Variants in FSTL5 observed in about 807,000 individuals in gnomAD.
FSTL5 encodes follistatin like 5.
FSTL5 carries 62 observed loss-of-function variants against 89.1 expected under a neutral mutation model. That is an observed-to-expected ratio of 0.70 (90% CI 0.57 to 0.86). The LOEUF is 0.86. Ranked by LOEUF, FSTL5 falls within the 40% of genes least tolerant of loss-of-function variation. The pLI is 0.00. For synonymous variants in FSTL5, 383 were observed against 346.2 expected, an observed-to-expected ratio of 1.11 and a Z score of -1.18; for missense variants, 1,057 against 1,001.6, an observed-to-expected ratio of 1.06 and a Z score of -0.75.
chr4:162,022,081 ACT>A (rs1356199571), intron 3 of FSTL5, among the ~76,000 whole-genome samples: 1 of 149,342 alleles, frequency 6.7e-6, no homozygotes, highest in Non-Finnish European at 1.5e-5. Flanking sequence ...ACAGAGCAAG[ACT>A]CTGTCTCAGG....
At chr4:162,019,754 TTCTC>T (rs1317302416) in intron 3 of FSTL5, among the ~76,000 whole-genome samples, 2 of 142,288 alleles carry the variant, frequency 1.4e-5, no homozygotes, top group East Asian at 2.0e-4. Context: ...CTCTCTCTCT[TTCTC>T]TCTCTCTTTC....
chr4:161,907,685 T>C lies in FSTL5; in HGVS notation c.409+12719A>G, dbSNP rs182409859. Among the ~76,000 whole-genome samples the C allele has an allele frequency of 7.6e-4, 115 of 152,256 alleles. 1 individual carries two copies. The highest frequency in any genetic ancestry group is 2.2e-3 in the African/African-American group (93 of 41,580). ...TCAGGGTGAATGAAAAGCATCTCTCTAGGTTTTCAGAGTAAACTTAGTAAG... is the reference window on the plus strand; with the variant it reads ...TCAGGGTGAATGAAAAGCATCTCTCCAGGTTTTCAGAGTAAACTTAGTAAG... On this transcript the variant is annotated intron_variant, in intron 4 of 15. Transcript: ENST00000306100.
intron 6 of FSTL5, among the ~76,000 whole-genome samples, chr4:161,742,825 A>G (rs954646905): frequency 3.3e-5 from 5 of 152,184 alleles, no homozygotes; most frequent in Admixed American, 6.5e-5. Context: ...ATAACAATAA[A>G]AGCCGATGGC....
At chr4:161,856,425 A>T (rs144020140) in intron 4 of FSTL5, among the ~76,000 whole-genome samples, 68 of 152,194 alleles carry the variant, frequency 4.5e-4, no homozygotes, top group African/African-American at 1.6e-3. Context: ...TCTGCATAGC[A>T]TCAAAATGTG....
At chr4:161,994,236 C>T (rs1428982525) in intron 3 of FSTL5, among the ~76,000 whole-genome samples, 1 of 152,186 alleles carries the variant, frequency 6.6e-6, no homozygotes, top group Non-Finnish European at 1.5e-5. Flanking sequence ...TTTTTTATGG[C>T]TGCATAGTAT....
intron 5 of FSTL5, among the ~76,000 whole-genome samples, chr4:161,769,902 A>G (rs1158722540): frequency 6.6e-6 from 1 of 151,962 alleles, no homozygotes; most frequent in Non-Finnish European, 1.5e-5. Flanking sequence ...ATTTGAAAAA[A>G]AAAACCTAAA....
At chr4:161,699,959 T>C (rs1289868508) in intron 6 of FSTL5, among the ~76,000 whole-genome samples, 4 of 152,336 alleles carry the variant, frequency 2.6e-5, no homozygotes, top group South Asian at 2.1e-4. Flanking sequence ...ATTTCTGTTA[T>C]CTGTTTAAGT....
chr4:161,432,668 G>T (rs1285051647), intron 15 of FSTL5, among the ~76,000 whole-genome samples: 4 of 150,840 alleles, frequency 2.7e-5, no homozygotes, highest in Non-Finnish European at 5.9e-5. Flanking sequence ...ATAAATAAAA[G>T]TAACAAATCT....
At chr4:161,860,941 A>C (rs1731891220) in intron 4 of FSTL5, among the ~76,000 whole-genome samples, 1 of 152,148 alleles carries the variant, frequency 6.6e-6, no homozygotes, top group Non-Finnish European at 1.5e-5. Flanking sequence ...ACACACACAC[A>C]AAATGCACAG....
At chr4:162,001,302 A>G (rs1736455365) in intron 3 of FSTL5, among the ~76,000 whole-genome samples, 1 of 151,670 alleles carries the variant, frequency 6.6e-6, no homozygotes, top group Non-Finnish European at 1.5e-5. Flanking sequence ...ACCTATATCT[A>G]TCTGTCTATC....
intron 6 of FSTL5, among the ~76,000 whole-genome samples, chr4:161,682,329 ATAAAT>A (rs1000263079): frequency 6.6e-5 from 10 of 152,160 alleles, no homozygotes; most frequent in African/African-American, 2.2e-4. Flanking sequence ...TTCTTCAATA[ATAAAT>A]TAAACTTCTC....
chr4:161,884,369 C>T (rs183333252), intron 4 of FSTL5, among the ~76,000 whole-genome samples: 80 of 152,264 alleles, frequency 5.3e-4, no homozygotes, highest in Non-Finnish European at 1.1e-3. Context: ...AATTTCATAT[C>T]CTGCACTATA....
In FSTL5 at chr4:161,454,423, G is replaced by A. The variant is rs543463418; in HGVS notation, c.1841+581C>T. On this transcript the variant is annotated intron_variant, in intron 15 of 15. Transcript: ENST00000306100. ...AACTAGAAGTTAATATTACTTTTCCGCCTCTTGTAAATACATCAAGAGATA... is the reference window on the plus strand; with the variant it reads ...AACTAGAAGTTAATATTACTTTTCCACCTCTTGTAAATACATCAAGAGATA... Among the ~76,000 whole-genome samples the A allele has an allele frequency of 5.3e-5, 8 of 152,030 alleles. No individual in the cohort carries two copies. In the South Asian group the frequency reaches 6.2e-4, roughly 12 times the overall value.
intron 2 of FSTL5, among the ~76,000 whole-genome samples, chr4:162,052,031 A>G (rs1738394663): frequency 6.6e-6 from 1 of 151,652 alleles, no homozygotes; most frequent in African/African-American, 2.4e-5. Flanking sequence ...AAAATCTCAT[A>G]GCCAAACCTG....
Position 161,538,217 on chromosome 4 carries a change from C to A in FSTL5, c.1261G>T (p.Val421Leu), listed in dbSNP as rs1731699130. The change falls in exon 10 of 16, where the codon GTG (valine) becomes TTG (leucine). Residue 421 changes from valine to leucine, a missense_variant. Transcript: ENST00000306100. ...YTCIAKNEAGVDEDISSLFVE... is the reference protein window; with the variant it reads ...YTCIAKNEAGLDEDISSLFVE... ...AAAAGAGAAGAGATGTCTTCATCCA[C>A]TCCTGCTTCATTCTTTGCGATACAA... The A allele has an allele frequency of 6.2e-7, 1 of 1,613,966 alleles. No individual in the cohort carries two copies. Among genetic ancestry groups the A allele is most frequent in the South Asian group, 1.1e-5 (1 of 91,088 alleles).
intron 3 of FSTL5, among the ~76,000 whole-genome samples, chr4:161,963,402 A>G (rs1735235380): frequency 6.6e-6 from 1 of 151,952 alleles, no homozygotes; most frequent in Non-Finnish European, 1.5e-5. Context: ...AGTTTCTTCA[A>G]TTGCAAGGTT....
chr4:161,906,473 T>G (rs1321757394), intron 4 of FSTL5, among the ~76,000 whole-genome samples: 1 of 152,156 alleles, frequency 6.6e-6, no homozygotes. Context: ...TCTTGAATTT[T>G]TCTTAAAAAA....
At chr4:161,438,961 G>GTTT (rs557713642) in intron 15 of FSTL5, among the ~76,000 whole-genome samples, 149 of 145,876 alleles carry the variant, frequency 1.0e-3, no homozygotes, top group African/African-American at 3.6e-3. Flanking sequence ...GATGATTATA[G>GTTT]TTTTTTTTTT....
chr4:161,947,065 T>C (rs186347269), intron 3 of FSTL5, among the ~76,000 whole-genome samples: 1 of 152,124 alleles, frequency 6.6e-6, no homozygotes, highest in Non-Finnish European at 1.5e-5. Flanking sequence ...ATGTATTGGG[T>C]CTGATATCAT....
Sources: allele counts gnomAD v4.1 joint callset (sites outside exome capture counted in the v4.1 genomes callset), GRCh38; gene constraint gnomAD v4.1.1; transcripts MANE v1.5; gene names NCBI Gene and HGNC (gene_info 2026-07-23, HGNC 2026-07-21).